Variants in ACSS1 observed in about 807,000 individuals in gnomAD.
ACSS1 encodes the protein acetyl-coenzyme A synthetase 2-like, mitochondrial.
In ACSS1, 42 loss-of-function variants were observed where a neutral mutation model predicts 75.3. The ratio of observed to expected loss-of-function variants is 0.56; its 90% CI spans 0.44 to 0.72. ACSS1 has a LOEUF of 0.72. ACSS1 is among the 30% of genes least tolerant of loss of function. The pLI, the probability that ACSS1 is intolerant of heterozygous loss-of-function variation, is 0.00. For missense variants in ACSS1, 782 were observed against 935.7 expected (o/e 0.84, Z 2.14); for synonymous variants, 380 against 376.8 (o/e 1.01, Z -0.10).
intron 13 of ACSS1, among the ~76,000 whole-genome samples, chr20:25,008,914 G>A (rs543253777): frequency 5.2e-4 from 79 of 152,328 alleles, no homozygotes; most frequent in Non-Finnish European, 8.2e-4. Flanking sequence ...GCCTGCCTAG[G>A]TGAACTCCTG....
At chr20:25,037,345 G>A (rs894220907) in intron 2 of ACSS1, among the ~76,000 whole-genome samples, 1 of 152,138 alleles carries the variant, frequency 6.6e-6, no homozygotes, top group African/African-American at 2.4e-5. Context: ...CCCCTGAGGG[G>A]CTAGGCTGCT....
intron 2 of ACSS1, among the ~76,000 whole-genome samples, chr20:25,035,766 C>A (rs891324098): frequency 2.6e-5 from 4 of 152,168 alleles, no homozygotes; most frequent in Non-Finnish European, 4.4e-5. Flanking sequence ...ATCCTCCAGA[C>A]ATATATTATT....
chr20:25,051,479 T>C (rs1226079273), intron 1 of ACSS1, among the ~76,000 whole-genome samples: 4 of 152,190 alleles, frequency 2.6e-5, no homozygotes, highest in Non-Finnish European at 4.4e-5. Context: ...AATCAGTGCT[T>C]CTCAACCTTG....
intron 2 of ACSS1, among the ~76,000 whole-genome samples, chr20:25,033,835 G>A (rs866193481): frequency 1.3e-5 from 2 of 152,200 alleles, no homozygotes; most frequent in African/African-American, 4.8e-5. Flanking sequence ...GAGGACTGGG[G>A]CAGAAAGAAG....
rs1475447492 is a variant in ACSS1, at chr20:25,006,569, G to T, written c.*1193C>A. 2 of 404,652 alleles carry T rather than the reference G, an allele frequency of 4.9e-6. No homozygotes were observed. The highest frequency in any genetic ancestry group is 9.8e-5 in the East Asian group (2 of 20,496). The allele number at this position is 404,652 out of a possible 1,614,324, so 25.1% of individuals were successfully genotyped here. ...CTGGCACTGCCACAAGGCCCTGAAG[G>T]GTAGACTGTGGGGCAAAGAGGACAA... On this transcript the variant is annotated 3_prime_UTR_variant, in exon 14 of 14. Coordinates refer to ENST00000323482, the MANE Select transcript of ACSS1 (RefSeq NM_032501.4).
At chr20:25,013,802 G>A in intron 9 of ACSS1, 140 bp from the exon 10 acceptor site, 1 of 1,352,150 alleles carries the variant, frequency 7.4e-7, no homozygotes, top group Non-Finnish European at 1.0e-6. Flanking sequence ...CACCTGTGTG[G>A]CCACTACCCA....
At chr20:25,034,174 A>C (rs2088872574) in intron 2 of ACSS1, among the ~76,000 whole-genome samples, 1 of 152,178 alleles carries the variant, frequency 6.6e-6, no homozygotes, top group Non-Finnish European at 1.5e-5. Context: ...TGGCAGCCAC[A>C]TTCTGGCCTA....
At chr20:25,032,382 C>A in intron 2 of ACSS1, 1 of 1,395,158 alleles carries the variant, frequency 7.2e-7, no homozygotes, top group Non-Finnish European at 9.3e-7. Flanking sequence ...CCATGCGGTG[C>A]GAAGTGGAGG....
intron 3 of ACSS1, among the ~76,000 whole-genome samples, chr20:25,028,744 A>G (rs1321341636): frequency 6.6e-6 from 1 of 152,188 alleles, no homozygotes; most frequent in African/African-American, 2.4e-5. Context: ...ACATGGTGAA[A>G]TCCTGTTTCT....
intron 1 of ACSS1, among the ~76,000 whole-genome samples, chr20:25,050,996 C>T (rs560111108): frequency 4.6e-5 from 7 of 152,262 alleles, no homozygotes; most frequent in South Asian, 2.1e-4. Flanking sequence ...CCAGGTGCCT[C>T]GCCACATGCA....
At chr20:25,012,979 G>T (rs776930334) in intron 10 of ACSS1, 40 bp from the exon 11 acceptor site, 40 of 1,613,424 alleles carry the variant, frequency 2.5e-5, no homozygotes, top group Non-Finnish European at 3.2e-5. Context: ...GGAACCCTGA[G>T]CCAGGACCCA....
chr20:25,040,562 C>T (rs2088983782), intron 2 of ACSS1, among the ~76,000 whole-genome samples: 3 of 152,262 alleles, frequency 2.0e-5, no homozygotes, highest in Admixed American at 1.3e-4. Flanking sequence ...CTCCCCAGTG[C>T]TGTGCTGGAT....
chr20:25,038,443 C>T (rs2088950035), intron 2 of ACSS1, among the ~76,000 whole-genome samples: 1 of 152,198 alleles, frequency 6.6e-6, no homozygotes, highest in Non-Finnish European at 1.5e-5. Flanking sequence ...GACCTGTAAA[C>T]AGTGGCCATA....
At chr20:25,038,029 C>CA (rs1288193059) in intron 2 of ACSS1, among the ~76,000 whole-genome samples, 3 of 152,218 alleles carry the variant, frequency 2.0e-5, no homozygotes, top group Non-Finnish European at 4.4e-5. Flanking sequence ...GCCGTGAAAA[C>CA]ATAAAGTGGC....
rs146021623 is a variant in ACSS1 at position 25,048,426 on chromosome 20, C to T, written c.335-245G>A. Among the ~76,000 whole-genome samples, 3 of 152,290 alleles carry T rather than the reference C, an allele frequency of 2.0e-5. No individual in the cohort carries two copies. The East Asian group carries it at 5.8e-4, about 29-fold the overall frequency. ...GAAGTGGTTGCTTCACACCAGTGGACCCAACCCTGGCTGCATATTGGCATC... is the reference window on the plus strand; with the variant it reads ...GAAGTGGTTGCTTCACACCAGTGGATCCAACCCTGGCTGCATATTGGCATC... On this transcript the variant is annotated intron_variant, in intron 1 of 13. Coordinates refer to ENST00000323482, the MANE Select transcript of ACSS1 (RefSeq NM_032501.4).
intron 2 of ACSS1, among the ~76,000 whole-genome samples, chr20:25,031,448 C>T (rs2088822958): frequency 6.6e-6 from 1 of 152,320 alleles, no homozygotes; most frequent in South Asian, 2.1e-4. Flanking sequence ...TATAGGCATG[C>T]TTTGATGTAC....
intron 7 of ACSS1, among the ~76,000 whole-genome samples, chr20:25,019,788 T>C (rs1236817686): frequency 6.6e-6 from 1 of 152,266 alleles, no homozygotes; most frequent in African/African-American, 2.4e-5. Context: ...ACAGAAAATG[T>C]CTGGAACGTT....
chr20:25,049,876 A>ACC (rs2089152562), intron 1 of ACSS1, among the ~76,000 whole-genome samples: 1 of 152,056 alleles, frequency 6.6e-6, no homozygotes, highest in South Asian at 2.1e-4. Flanking sequence ...CCAGTTCTTC[A>ACC]CCAGGCGGTG....
intron 7 of ACSS1, among the ~76,000 whole-genome samples, chr20:25,015,852 T>C (rs2088507105): frequency 2.0e-5 from 3 of 152,166 alleles, no homozygotes; most frequent in Admixed American, 2.0e-4. Context: ...ATGTTTCTCT[T>C]AACATTTAAA....
Sources: gnomAD v4.1 joint callset for allele counts (sites outside exome capture counted in the v4.1 genomes callset) on GRCh38, gnomAD v4.1.1 for gene constraint, MANE v1.5 for transcripts, NCBI Gene and HGNC (gene_info 2026-07-23, HGNC 2026-07-21) for gene names.